Variants in UCK2 observed in about 807,000 individuals in gnomAD.
The protein encoded by UCK2 is cytidine monophosphokinase 2.
A neutral mutation model predicts 30.8 loss-of-function variants in UCK2; 6 were observed. The ratio of observed to expected loss-of-function variants is 0.19; its 90% confidence interval spans 0.11 to 0.38. UCK2 has a LOEUF of 0.38. Ranked by LOEUF, UCK2 falls within the 10% of genes least tolerant of loss-of-function variation. The probability of loss-of-function intolerance (pLI) is 1.00; values close to 1 mark genes in which losing one functional copy is unlikely to be tolerated. For missense variants in UCK2, 210 were observed against 339.8 expected, an observed-to-expected ratio of 0.62 and a Z score of 3.00; for synonymous variants, 125 against 133.6, an observed-to-expected ratio of 0.94 and a Z score of 0.45.
chr1:165,840,909 C>T (rs1376760624), intron 1 of UCK2, among the ~76,000 whole-genome samples: 2 of 152,060 alleles, frequency 1.3e-5, no homozygotes, highest in Non-Finnish European at 2.9e-5. Context: ...TCTAAAAGCA[C>T]GGTTCAATGA....
intron 1 of UCK2, among the ~76,000 whole-genome samples, chr1:165,849,218 A>G (rs899870707): frequency 2.0e-5 from 3 of 152,320 alleles, no homozygotes; most frequent in Non-Finnish European, 4.4e-5. Flanking sequence ...GAGTGGGGGA[A>G]GGGGCAGAGC....
At chr1:165,866,921 CT>C (rs1046597048) in intron 1 of UCK2, among the ~76,000 whole-genome samples, 3 of 152,180 alleles carry the variant, frequency 2.0e-5, no homozygotes, top group African/African-American at 7.2e-5. Flanking sequence ...CACCTTTTGA[CT>C]GTTGTGAATA....
chr1:165,861,657 A>AAAAAAAAAAAT (rs1654909044), intron 1 of UCK2, among the ~76,000 whole-genome samples: 1 of 55,762 alleles, frequency 1.8e-5, no homozygotes, highest in Non-Finnish European at 3.8e-5. Flanking sequence ...AAACAAAAAA[A>AAAAAAAAAAAT]AACAACAGTA....
Position 165,835,640 on chromosome 1 carries a change from A to C in UCK2, c.99+7708A>C, listed in dbSNP as rs1194980809. Among the ~76,000 whole-genome samples the C allele has an allele frequency of 2.6e-5, 4 of 152,334 alleles. No individual in the cohort carries two copies. The East Asian group carries it at 7.7e-4, about 29-fold the overall frequency. On this transcript the variant is annotated intron_variant, in intron 1 of 6. Coordinates refer to ENST00000367879, the MANE Select transcript of UCK2 (RefSeq NM_012474.5). The stretch of plus-strand genomic sequence containing the variant: ...TTTAAATGTATCTGATGGGCTCTAA[A>C]TCTATAATAATTTGACCTATTGTCA...
chr1:165,884,663 G>A (rs2101878383), intron 1 of UCK2, among the ~76,000 whole-genome samples: 1 of 152,330 alleles, frequency 6.6e-6, no homozygotes, highest in South Asian at 2.1e-4. Flanking sequence ...GGATTTTATG[G>A]ATTAGCTCCT....
intron 1 of UCK2, among the ~76,000 whole-genome samples, chr1:165,881,085 A>G (rs1655489096): frequency 6.7e-6 from 1 of 150,010 alleles, no homozygotes; most frequent in African/African-American, 2.5e-5. Context: ...AGGCAGACGA[A>G]TTGTTTGAAC....
intron 1 of UCK2, among the ~76,000 whole-genome samples, chr1:165,849,987 GT>G (rs1420732989): frequency 1.3e-5 from 2 of 152,190 alleles, no homozygotes; most frequent in Non-Finnish European, 2.9e-5. Flanking sequence ...ACAGGTAAGA[GT>G]TTGGACTGGA....
intron 1 of UCK2, among the ~76,000 whole-genome samples, chr1:165,863,181 A>C (rs1317759107): frequency 1.3e-5 from 2 of 152,188 alleles, no homozygotes; most frequent in African/African-American, 4.8e-5. Flanking sequence ...GGATTTATGC[A>C]CTTGAGGGCT....
intron 1 of UCK2, among the ~76,000 whole-genome samples, chr1:165,874,231 AC>A: frequency 6.6e-6 from 1 of 152,262 alleles, no homozygotes; most frequent in African/African-American, 2.4e-5. Flanking sequence ...TTCCTGGGCC[AC>A]CCAGCCTGCT....
At chr1:165,906,969 T>C (rs1361960687) in intron 6 of UCK2, among the ~76,000 whole-genome samples, 1 of 152,212 alleles carries the variant, frequency 6.6e-6, no homozygotes, top group East Asian at 1.9e-4. Context: ...AGATGTTCCC[T>C]ATCTTTTGTT....
At chr1:165,882,938 C>T (rs1463992253) in intron 1 of UCK2, among the ~76,000 whole-genome samples, 1 of 152,130 alleles carries the variant, frequency 6.6e-6, no homozygotes, top group African/African-American at 2.4e-5. Context: ...GATCCTCCTG[C>T]CTCGGCCTCC....
intron 1 of UCK2, among the ~76,000 whole-genome samples, chr1:165,845,544 G>C (rs1333943819): frequency 6.6e-6 from 1 of 152,174 alleles, no homozygotes; most frequent in Admixed American, 6.5e-5. Flanking sequence ...AACTGGATCT[G>C]AGTTGTTTTA....
In UCK2 at chr1:165,876,245, G is replaced by A. The variant is rs144240773; in HGVS notation, c.100-13959G>A. ...TAAATGGCAGTTTCACACATCTGCAGCCTAGTAATTGCTACTCATTTTGAA... is the reference window on the plus strand; with the variant it reads ...TAAATGGCAGTTTCACACATCTGCAACCTAGTAATTGCTACTCATTTTGAA... On this transcript the variant is annotated intron_variant, in intron 1 of 6. Transcript: ENST00000367879. Among the ~76,000 whole-genome samples the A allele has an allele frequency of 6.4e-4, 98 of 152,312 alleles. 2 individuals are homozygous for A. The East Asian group carries it at 0.018, about 28-fold the overall frequency.
intron 1 of UCK2, among the ~76,000 whole-genome samples, chr1:165,887,176 A>G (rs1174903104): frequency 9.9e-5 from 15 of 152,220 alleles, no homozygotes; most frequent in Admixed American, 9.8e-4. Context: ...CTGCTGCCTA[A>G]TAAGTAATCA....
In UCK2 at chr1:165,827,709, G is replaced by T; in HGVS notation, c.-125G>T. On this transcript the variant is annotated 5_prime_UTR_variant, in exon 1 of 7. Coordinates refer to ENST00000367879, the MANE Select transcript of UCK2 (RefSeq NM_012474.5). ...GGCTCCGAGCGGCTCGCAGGCGAGC[G>T]ACAGCGGCCTCAGCCCCGGCAGCGC... is the stretch of plus-strand genomic sequence containing the variant. 1.2e-6 allele frequency: 1 copy of T among 864,748 alleles called. No homozygotes were observed. Among genetic ancestry groups the T allele is most frequent in the South Asian group, 4.3e-5 (1 of 23,186 alleles). 53.6% of individuals were successfully genotyped at this position (864,748 alleles called of 1,614,324 possible). A position where few individuals can be genotyped will look rare whatever the true frequency, so the allele number is the denominator to read the frequency against.
At chr1:165,845,139 G>A (rs962308014) in intron 1 of UCK2, among the ~76,000 whole-genome samples, 1 of 152,198 alleles carries the variant, frequency 6.6e-6, no homozygotes, top group East Asian at 1.9e-4. Context: ...CCCTCAGCCT[G>A]TGGGATCTGG....
At chr1:165,851,998 G>A (rs1311599694) in intron 1 of UCK2, among the ~76,000 whole-genome samples, 1 of 152,170 alleles carries the variant, frequency 6.6e-6, no homozygotes, top group East Asian at 1.9e-4. Flanking sequence ...GGGCATCTGG[G>A]TTGGTTCTAA....
intron 1 of UCK2, among the ~76,000 whole-genome samples, chr1:165,854,773 T>G (rs1245995504): frequency 6.6e-6 from 1 of 152,138 alleles, no homozygotes; most frequent in Non-Finnish European, 1.5e-5. Flanking sequence ...TTAACTCCTA[T>G]CTTACTTCAC....
At chr1:165,905,560 C>T (rs1320127118) in intron 5 of UCK2, among the ~76,000 whole-genome samples, 1 of 152,074 alleles carries the variant, frequency 6.6e-6, no homozygotes, top group East Asian at 1.9e-4. Flanking sequence ...GATAAAAATC[C>T]ATGGTAGATA....
Sources: gnomAD v4.1 joint callset for allele counts (sites outside exome capture counted in the v4.1 genomes callset) on GRCh38, gnomAD v4.1.1 for gene constraint, MANE v1.5 for transcripts, NCBI Gene and HGNC (gene_info 2026-07-23, HGNC 2026-07-21) for gene names.